NSMCE2: variants seen among roughly 807,000 people sequenced by gnomAD.
NSMCE2 encodes E3 SUMO-protein ligase NSE2.
Under a neutral mutation model 23.8 loss-of-function variants are expected in NSMCE2, and 24 were observed. The observed-to-expected ratio is 1.01, with a 90% CI of 0.73 to 1.42. NSMCE2 has a LOEUF of 1.42. Among genes scored for constraint, NSMCE2 ranks in the 40% most tolerant of loss-of-function variants. The pLI, the probability that NSMCE2 is intolerant of heterozygous loss-of-function variation, is 0.00. For missense variants in NSMCE2, 284 were observed against 296.5 expected (o/e 0.96, Z 0.31); for synonymous variants, 92 against 94.1 (o/e 0.98, Z 0.13).
intron 5 of NSMCE2, among the ~76,000 whole-genome samples, chr8:125,352,932 C>G (rs1445926647): frequency 1.2e-4 from 19 of 152,150 alleles, no homozygotes; most frequent in Admixed American, 1.2e-3. Context: ...TCTTTTTAGA[C>G]TCTTGGTCTG....
rs550605711 is a variant in NSMCE2 at position 125,304,810 on chromosome 8, C to T, written c.419-52409C>T. On this transcript the variant is annotated intron_variant, in intron 5 of 7. Transcript: ENST00000287437. ...CATCAAGCGATGAGAATCGCTTGAA[C>T]CCTGGAGGCAGAGGTTACAGTGAGC... is the stretch of plus-strand genomic sequence containing the variant. Among the ~76,000 whole-genome samples, 21 of 149,302 alleles carry T rather than the reference C, an allele frequency of 1.4e-4. No homozygotes were observed. In the South Asian group the frequency reaches 4.0e-3, roughly 29 times the overall value.
chr8:125,168,971 T>G lies in NSMCE2; in HGVS notation c.265-13132T>G, dbSNP rs144716020. Among the ~76,000 whole-genome samples the G allele has an allele frequency of 2.6e-5, 4 of 152,206 alleles. No individual in the cohort carries two copies. The East Asian group carries it at 7.7e-4, about 29-fold the overall frequency. ...GATAATAACAGCATTTTTGTGTAGA[T>G]GAGGAAGCTAGGGCTTGCAGTTATG... is the stretch of plus-strand genomic sequence containing the variant. On this transcript the variant is annotated intron_variant, in intron 4 of 7. Coordinates refer to ENST00000287437, the MANE Select transcript of NSMCE2 (RefSeq NM_173685.4).
At chr8:125,312,948 T>C (rs569758263) in intron 5 of NSMCE2, among the ~76,000 whole-genome samples, 2 of 151,948 alleles carry the variant, frequency 1.3e-5, no homozygotes, top group Admixed American at 6.6e-5. Flanking sequence ...AAAGCACATA[T>C]CACATGCAAA....
At chr8:125,295,169 G>GA (rs1828272758) in intron 5 of NSMCE2, among the ~76,000 whole-genome samples, 1 of 152,152 alleles carries the variant, frequency 6.6e-6, no homozygotes. Context: ...AAAGCACTGT[G>GA]ATTTTTAGCC....
intron 4 of NSMCE2, among the ~76,000 whole-genome samples, chr8:125,151,531 T>C (rs1821029027): frequency 6.6e-6 from 1 of 152,202 alleles, no homozygotes; most frequent in South Asian, 2.1e-4. Context: ...AATTTTAGTG[T>C]AAGCCTCCTT....
At chr8:125,102,881 G>A (rs1330093718) in intron 3 of NSMCE2, among the ~76,000 whole-genome samples, 1 of 152,042 alleles carries the variant, frequency 6.6e-6, no homozygotes, top group Non-Finnish European at 1.5e-5. Flanking sequence ...CTTATGCTAG[G>A]GATACCAGCA....
At position 125,146,024 on chromosome 8, in the gene NSMCE2, CT is replaced by C. The variant is rs576337451; in HGVS notation, c.158-5142del. ...CTTCAAAAAGGGGAAAAATAATTTT[CT>C]TTTTGTTATCAGATTTCTTAAGGAA... is the stretch of plus-strand genomic sequence containing the variant. On this transcript the variant is annotated intron_variant, in intron 3 of 7. Transcript: ENST00000287437. Among the ~76,000 whole-genome samples, 12 of 152,276 alleles carry C rather than the reference CT, an allele frequency of 7.9e-5. No individual in the cohort carries two copies. In the South Asian group the frequency reaches 2.5e-3, roughly 32 times the overall value.
chr8:125,115,550 A>G lies in NSMCE2; in HGVS notation c.157+13063A>G, dbSNP rs117645378. On this transcript the variant is annotated intron_variant, in intron 3 of 7. Coordinates refer to ENST00000287437, the MANE Select transcript of NSMCE2 (RefSeq NM_173685.4). ...CAGATCACCTGAAGTCAGGAGTTCA[A>G]GACCACCCTAGCCAACACAGTGAAA... Among the ~76,000 whole-genome samples the G allele has an allele frequency of 9.7e-3, 1,470 of 152,292 alleles. 61 individuals are homozygous for G. The highest frequency in any genetic ancestry group is 0.077 in the Admixed American group (1,179 of 15,280).
chr8:125,118,420 C>A (rs1819125094), intron 3 of NSMCE2, among the ~76,000 whole-genome samples: 2 of 152,066 alleles, frequency 1.3e-5, no homozygotes, highest in Non-Finnish European at 2.9e-5. Context: ...GATTGCTGGA[C>A]CTTGCCACTA....
At chr8:125,140,626 G>A (rs2130619465) in intron 3 of NSMCE2, among the ~76,000 whole-genome samples, 1 of 152,074 alleles carries the variant, frequency 6.6e-6, no homozygotes, top group Non-Finnish European at 1.5e-5. Context: ...TCCAGCCTGG[G>A]TGATGGAGTG....
intron 5 of NSMCE2, among the ~76,000 whole-genome samples, chr8:125,210,198 T>A (rs137882065): frequency 1.4e-4 from 21 of 152,366 alleles, no homozygotes; most frequent in African/African-American, 4.8e-4. Context: ...AGGATTGTTG[T>A]GGAGATTCAA....
chr8:125,365,483 G>C (rs1813741211), intron 7 of NSMCE2, among the ~76,000 whole-genome samples: 1 of 152,110 alleles, frequency 6.6e-6, no homozygotes, highest in African/African-American at 2.4e-5. Context: ...TAAGCAGCCA[G>C]AGTAACATTT....
chr8:125,284,838 C>G (rs1256576201), intron 5 of NSMCE2, among the ~76,000 whole-genome samples: 4 of 152,154 alleles, frequency 2.6e-5, no homozygotes, highest in South Asian at 4.1e-4. Flanking sequence ...AACCCTGTCC[C>G]CTTTTCTGAG....
intron 5 of NSMCE2, among the ~76,000 whole-genome samples, chr8:125,345,145 G>T (rs986139955): frequency 6.6e-6 from 1 of 152,088 alleles, no homozygotes; most frequent in Non-Finnish European, 1.5e-5. Context: ...GATCGGGGGC[G>T]TAGATGGTTT....
chr8:125,342,629 C>G lies in NSMCE2; in HGVS notation c.419-14590C>G, dbSNP rs181382524. Among the ~76,000 whole-genome samples, 293 of 151,624 alleles carry G rather than the reference C, an allele frequency of 1.9e-3. 1 individual carries two copies. Among genetic ancestry groups the G allele is most frequent in the African/African-American group, 7.0e-3 (288 of 41,338 alleles). Reference sequence around the variant, plus strand: ...TCATCTTTTAGCTCCTTCCTTCCCTCCTCCCTCCCTCCCTCTTTCCCTCCC... The same window carrying G: ...TCATCTTTTAGCTCCTTCCTTCCCTGCTCCCTCCCTCCCTCTTTCCCTCCC... On this transcript the variant is annotated intron_variant, in intron 5 of 7. Transcript: ENST00000287437.
At chr8:125,316,070 G>C (rs919983476) in intron 5 of NSMCE2, among the ~76,000 whole-genome samples, 1 of 152,154 alleles carries the variant, frequency 6.6e-6, no homozygotes, top group Non-Finnish European at 1.5e-5. Context: ...GCCTCCCAAA[G>C]TGGTGGGATT....
chr8:125,143,519 A>G (rs1423905227), intron 3 of NSMCE2, among the ~76,000 whole-genome samples: 1 of 152,176 alleles, frequency 6.6e-6, no homozygotes, highest in Non-Finnish European at 1.5e-5. Flanking sequence ...GTCATGTTGA[A>G]TTGGAGTCAG....
intron 5 of NSMCE2, among the ~76,000 whole-genome samples, chr8:125,191,896 T>C (rs138228056): frequency 8.4e-4 from 128 of 152,086 alleles, no homozygotes; most frequent in Middle Eastern, 3.4e-3. Context: ...ATCTTGGAGG[T>C]GACATATTTA....
At chr8:125,309,090 C>T (rs185907449) in intron 5 of NSMCE2, among the ~76,000 whole-genome samples, 1 of 151,912 alleles carries the variant, frequency 6.6e-6, no homozygotes, top group Admixed American at 6.6e-5. Flanking sequence ...ACTAAAAATA[C>T]AAAAAATTTA....
Sources: gnomAD v4.1 joint callset for allele counts (sites outside exome capture counted in the v4.1 genomes callset) on GRCh38, gnomAD v4.1.1 for gene constraint, MANE v1.5 for transcripts, NCBI Gene and HGNC (gene_info 2026-07-23, HGNC 2026-07-21) for gene names.